Variants in PRKDC observed in about 807,000 individuals in gnomAD.
PRKDC encodes protein kinase, DNA-activated, catalytic subunit.
A neutral mutation model predicts 486.9 loss-of-function variants in PRKDC; 82 were observed. That is an observed-to-expected ratio of 0.17 (90% confidence interval 0.14 to 0.20). The LOEUF is 0.20. PRKDC is among the 10% of genes least tolerant of loss of function. The probability of loss-of-function intolerance (pLI) is 1.00; values close to 1 mark genes in which losing one functional copy is unlikely to be tolerated. For synonymous variants in PRKDC, 1,895 were observed against 1,837.0 expected, an observed-to-expected ratio of 1.03 and a Z score of -0.81; for missense variants, 4,504 against 5,038.2, an observed-to-expected ratio of 0.89 and a Z score of 3.21.
At chr8:47,807,720 CTTAT>C (rs1358214475) in intron 68 of PRKDC, among the ~76,000 whole-genome samples, 1 of 145,230 alleles carries the variant, frequency 6.9e-6, no homozygotes, top group African/African-American at 2.6e-5. Context: ...ACCCGGCCTA[CTTAT>C]TTTTTTTTTG....
intron 48 of PRKDC, among the ~76,000 whole-genome samples, chr8:47,858,118 A>G (rs2088585987): frequency 6.6e-6 from 1 of 152,084 alleles, no homozygotes; most frequent in Non-Finnish European, 1.5e-5. Flanking sequence ...CTACCTCACG[A>G]ACTCAGCAAT....
At position 47,777,176 on chromosome 8, in the gene PRKDC, T is replaced by G. The variant is rs577620814; in HGVS notation, c.12043-193A>C. On this transcript the variant is annotated intron_variant, in intron 84 of 85. Transcript: ENST00000314191. ...ATCACGAGACGAGGGGCCTCAGCAGTCCCCTTATTTCTCCAAATAAAGGTT... is the reference window on the plus strand; with the variant it reads ...ATCACGAGACGAGGGGCCTCAGCAGGCCCCTTATTTCTCCAAATAAAGGTT... Among the ~76,000 whole-genome samples, 3 of 152,044 alleles carry G rather than the reference T, an allele frequency of 2.0e-5. No homozygotes were observed. The South Asian group carries it at 6.2e-4, about 32-fold the overall frequency.
At chr8:47,937,769 T>G (rs780295099) in intron 11 of PRKDC, among the ~76,000 whole-genome samples, 20 of 152,180 alleles carry the variant, frequency 1.3e-4, no homozygotes, top group Non-Finnish European at 2.1e-4. Flanking sequence ...CTGTTTCTTC[T>G]GCCCTAAGCA....
intron 62 of PRKDC, 67 bp from the exon 63 acceptor site, chr8:47,826,928 A>G: frequency 7.0e-7 from 1 of 1,426,870 alleles, no homozygotes; most frequent in Non-Finnish European, 9.4e-7. Flanking sequence ...CACAAGGAGT[A>G]ACATACTTTA....
intron 24 of PRKDC, 36 bp downstream of exon 24, chr8:47,913,865 G>T: frequency 6.4e-7 from 1 of 1,557,336 alleles, no homozygotes; most frequent in Non-Finnish European, 8.7e-7. Context: ...AAAGCAATAG[G>T]ATCTAAATAA....
chr8:47,856,905 C>CAAACA (rs1457034335), intron 49 of PRKDC, among the ~76,000 whole-genome samples: 2 of 152,132 alleles, frequency 1.3e-5, no homozygotes, highest in Admixed American at 1.3e-4. Flanking sequence ...GTAAAGGCAG[C>CAAACA]AAACAAAACA....
intron 24 of PRKDC, among the ~76,000 whole-genome samples, chr8:47,913,327 T>A (rs2089935845): frequency 6.6e-6 from 1 of 152,208 alleles, no homozygotes; most frequent in Non-Finnish European, 1.5e-5. Context: ...ATAGCCCGAA[T>A]ATCACTCTCA....
At chr8:47,946,343 C>T (rs541646780) in intron 7 of PRKDC, among the ~76,000 whole-genome samples, 5 of 152,094 alleles carry the variant, frequency 3.3e-5, no homozygotes, top group Non-Finnish European at 7.4e-5. Context: ...CTTACCCCCA[C>T]ATCTCCCATC....
At chr8:47,852,614 G>A in intron 52 of PRKDC, 59 bp downstream of exon 52, 2 of 1,049,788 alleles carry the variant, frequency 1.9e-6, no homozygotes, top group Admixed American at 2.4e-5. Flanking sequence ...AGTATCAAGG[G>A]TCATAACAAA....
chr8:47,820,739 C>A lies in PRKDC; in HGVS notation c.9316G>T (p.Gly3106Cys). ...VDRAKYYIQN[G>C]IQSFMQNYSS... ...ATTACCTGCATAAAACTCTGAATGC[C>A]ATTTTGAATGTAATATTTGGCTCTG... The change falls in exon 66 of 86, where the codon GGC (glycine) becomes TGC (cysteine). Residue 3106 changes from glycine to cysteine, a missense_variant. Gly to Cys is a radical substitution (Grantham distance 159, BLOSUM62 -3). Transcript: ENST00000314191. 6.4e-7 allele frequency: 1 copy of A among 1,561,420 alleles called. No homozygotes were observed. The highest frequency in any genetic ancestry group is 8.7e-7 in the Non-Finnish European group (1 of 1,151,314).
chr8:47,798,274 C>T lies in PRKDC; in HGVS notation c.10421G>A (p.Arg3474Gln), dbSNP rs761784130. 3 of 1,613,696 alleles carry T rather than the reference C, an allele frequency of 1.9e-6. No individual in the cohort carries two copies. Among genetic ancestry groups the T allele is most frequent in the East Asian group, 2.2e-5 (1 of 44,872 alleles). Residue 3474 changes from arginine to glutamine, a missense_variant, in exon 73 of 86, where the codon CGG becomes CAG. Arg to Gln is a conservative substitution (Grantham distance 43). Around this residue, in one of 6 missense-constraint regions of PRKDC, gnomAD observed 706 missense variants for 945.0 expected, o/e 0.75. Coordinates refer to ENST00000314191, the MANE Select transcript of PRKDC (RefSeq NM_006904.7). The part of the protein sequence containing the change: ...KFPRLLQIIE[R>Q]YPEETLSLMT... ...GAGGCTCAAAGTCTCCTCTGGATAC[C>T]GTTCTATAATCTGAAGTAATCTAGG... is the stretch of plus-strand genomic sequence containing the variant.
In PRKDC at chr8:47,838,412, G is replaced by A. The variant is rs1260125233; in HGVS notation, c.7553+736C>T. Among the ~76,000 whole-genome samples, 4 of 152,268 alleles carry A rather than the reference G, an allele frequency of 2.6e-5. No individual in the cohort carries two copies. The East Asian group carries it at 7.7e-4, about 29-fold the overall frequency. ...AGGAGGATTGAGGCCAGGCATTGAA[G>A]CCTAACTTGGGTAACATAGCAAGAC... On this transcript the variant is annotated intron_variant, in intron 56 of 85. Transcript: ENST00000314191.
chr8:47,800,645 TAAATAA>T (rs2087087405), intron 71 of PRKDC, 142 bp downstream of exon 71: 1 of 549,126 alleles, frequency 1.8e-6, no homozygotes, highest in Non-Finnish European at 2.9e-6. Flanking sequence ...AACAAATACA[TAAATAA>T]AAAGAAAATT....
chr8:47,957,996 T>C (rs191832089), intron 1 of PRKDC, among the ~76,000 whole-genome samples: 60 of 151,064 alleles, frequency 4.0e-4, no homozygotes, highest in African/African-American at 1.4e-3. Context: ...GTTAAATGTA[T>C]ATAGCAAAAG....
At chr8:47,864,209 C>T (rs1040923574) in intron 41 of PRKDC, among the ~76,000 whole-genome samples, 4 of 138,680 alleles carry the variant, frequency 2.9e-5, no homozygotes, top group Non-Finnish European at 6.8e-5. Context: ...AGGAAGAGAC[C>T]AGGGTGAAAC....
At position 47,954,342 on chromosome 8, in the gene PRKDC, A is replaced by G. The variant is rs748204372; in HGVS notation, c.504T>C (p.Asp168=). 5 of 1,240,546 alleles carry G rather than the reference A, an allele frequency of 4.0e-6. No individual in the cohort carries two copies. The Admixed American group carries it at 1.1e-4, about 26-fold the overall frequency. 76.8% of individuals were successfully genotyped at this position (1,240,546 alleles called of 1,614,324 possible). The change falls in exon 5 of 86, where the codon GAT becomes GAC. Residue 168 remains aspartate, a synonymous_variant. Transcript: ENST00000314191. Reference sequence around the variant, plus strand: ...TAACATGTAAATGCATCTCACCTGTATCTGGTATTTTTTTTTTCAATGCAA... The same window carrying G: ...TAACATGTAAATGCATCTCACCTGTGTCTGGTATTTTTTTTTTCAATGCAA... ...GELALKKKIP[D]TVLEKVYELL... is the part of the protein sequence containing the mutation.
At chr8:47,851,509 G>C (rs1376517669) in intron 52 of PRKDC, among the ~76,000 whole-genome samples, 1 of 152,192 alleles carries the variant, frequency 6.6e-6, no homozygotes, top group East Asian at 1.9e-4. Context: ...TCCAATCACA[G>C]CACTGGGCCC....
chr8:47,805,620 C>G (rs767081954), intron 69 of PRKDC, among the ~76,000 whole-genome samples: 4 of 152,170 alleles, frequency 2.6e-5, no homozygotes, highest in Middle Eastern at 3.2e-3. Flanking sequence ...AGGTAAGGCA[C>G]GACAGTTTTA....
Position 47,886,070 on chromosome 8 carries a change from G to A in PRKDC, c.4650C>T (p.Val1550=), listed in dbSNP as rs1405770608. The change falls in exon 36 of 86, where the codon GTC becomes GTT. Residue 1550 remains valine (V), a synonymous_variant. Transcript: ENST00000314191. ...TASLGSSQGS[V]IHFSHGEYFY... The stretch of plus-strand genomic sequence containing the variant: ...AATACTCCCCATGGGAGAAGTGGAT[G>A]ACGCTGCCCTGTGAGCTGCCCAAGG... 6.2e-7 allele frequency: 1 copy of A among 1,613,712 alleles called. No homozygotes were observed. Among genetic ancestry groups the A allele is most frequent in the South Asian group, 1.1e-5 (1 of 91,080 alleles).
Sources: allele counts gnomAD v4.1 joint callset (sites outside exome capture counted in the v4.1 genomes callset), GRCh38; gene constraint gnomAD v4.1.1; regional missense constraint gnomAD v4.1.1; transcripts MANE v1.5; gene names NCBI Gene and HGNC (gene_info 2026-07-23, HGNC 2026-07-21).